GRK5: variants seen among roughly 807,000 people sequenced by gnomAD.
GRK5 encodes the protein G protein-coupled receptor kinase 5.
In GRK5, 40 loss-of-function variants were observed where a neutral mutation model predicts 78.4. That is an observed-to-expected ratio of 0.51 (90% confidence interval 0.40 to 0.66). GRK5 has a LOEUF of 0.66. Ranked by LOEUF, GRK5 falls within the 30% of genes least tolerant of loss-of-function variation. The pLI is 0.00. For missense variants in GRK5, 598 were observed against 759.9 expected (o/e 0.79, Z 2.50); for synonymous variants, 289 against 296.8 (o/e 0.97, Z 0.27).
rs1336243484 is a variant in GRK5, at chr10:119,225,855, CT to C, written c.52+17897del. On this transcript the variant is annotated intron_variant, in intron 1 of 15. Transcript: ENST00000392870. Reference sequence around the variant, plus strand: ...CCGGCTAATTTTTGTATTTTTTTTTCTTTTTTTTTTTGAGATGGAGTCTCGC... The same window carrying C: ...CCGGCTAATTTTTGTATTTTTTTTTCTTTTTTTTTTGAGATGGAGTCTCGC... Among the ~76,000 whole-genome samples the C allele has an allele frequency of 6.0e-3, 635 of 106,198 alleles. 4 individuals carry two copies. Among genetic ancestry groups the C allele is most frequent in the African/African-American group, 0.02 (555 of 27,780 alleles). 69.7% of individuals were successfully genotyped at this position (106,198 alleles called of 152,430 possible).
intron 1 of GRK5, among the ~76,000 whole-genome samples, chr10:119,308,066 G>A (rs959297185): frequency 1.3e-5 from 2 of 152,120 alleles, no homozygotes; most frequent in African/African-American, 4.8e-5. Flanking sequence ...CCTGGGAGTG[G>A]GCACCCATGG....
intron 2 of GRK5, among the ~76,000 whole-genome samples, chr10:119,374,321 C>G (rs576777596): frequency 6.6e-6 from 1 of 152,332 alleles, no homozygotes; most frequent in South Asian, 2.1e-4. Context: ...CGACCCCTGC[C>G]CAGTGCTCAT....
chr10:119,261,501 G>T (rs1849399318), intron 1 of GRK5, among the ~76,000 whole-genome samples: 1 of 152,014 alleles, frequency 6.6e-6, no homozygotes, highest in Non-Finnish European at 1.5e-5. Flanking sequence ...CGGGGTGGCG[G>T]CCGGGCAGAG....
intron 1 of GRK5, among the ~76,000 whole-genome samples, chr10:119,293,170 C>A (rs1850014184): frequency 6.6e-6 from 1 of 152,184 alleles, no homozygotes; most frequent in South Asian, 2.1e-4. Context: ...TTGAATCTTA[C>A]CCCATTCTTG....
intron 8 of GRK5, among the ~76,000 whole-genome samples, chr10:119,434,405 G>T (rs1852880803): frequency 6.6e-6 from 1 of 152,246 alleles, no homozygotes; most frequent in Non-Finnish European, 1.5e-5. Context: ...AAGCAAGTTA[G>T]TTACTTCCTA....
Position 119,453,273 on chromosome 10 carries a change from G to A in GRK5, c.1671G>A (p.Arg557=), listed in dbSNP as rs754569544. Residue 557 remains arginine (R), a synonymous_variant, in exon 15 of 16, where the codon CGG becomes CGA. Transcript: ENST00000392870. ...GGCTGCTCCAGAGACTCTTCAAGCG[G>A]CAGGTGAGACACCCATGCCTGGCCA... is the stretch of plus-strand genomic sequence containing the variant. ...KKGLLQRLFK[R]QHQNNSKSSP... is the part of the protein sequence containing the mutation. 6.2e-7 allele frequency: 1 copy of A among 1,613,956 alleles called. No homozygotes were observed. Among genetic ancestry groups the A allele is most frequent in the South Asian group, 1.1e-5 (1 of 91,080 alleles).
intron 2 of GRK5, among the ~76,000 whole-genome samples, chr10:119,369,097 C>T (rs987764426): frequency 6.6e-6 from 1 of 152,122 alleles, no homozygotes; most frequent in Non-Finnish European, 1.5e-5. Context: ...GTGAACTGGA[C>T]CTTACAGTTA....
chr10:119,256,572 G>A (rs1849289813), intron 1 of GRK5, among the ~76,000 whole-genome samples: 1 of 151,938 alleles, frequency 6.6e-6, no homozygotes, highest in African/African-American at 2.4e-5. Context: ...GGAGGCCCTG[G>A]GCCACAGCAC....
intron 1 of GRK5, among the ~76,000 whole-genome samples, chr10:119,245,968 C>T (rs1181022422): frequency 3.9e-4 from 52 of 132,250 alleles, no homozygotes; most frequent in Admixed American, 1.8e-3. Context: ...TGCAGTGAGC[C>T]GAGATCATGC....
rs182447745 is a variant in GRK5, at chr10:119,412,952, G to A, written c.340-10214G>A. ...GGCGAGACGAGGGGAGCTCTTGGCC[G>A]TGTGAAGAGCACTTGGAGGCCTCCT... is the stretch of plus-strand genomic sequence containing the variant. On this transcript the variant is annotated intron_variant, in intron 4 of 15. Coordinates refer to ENST00000392870, the MANE Select transcript of GRK5 (RefSeq NM_005308.3). This position sits in a 1 kb window ranked among gnomAD's most constrained non-coding sequence, Gnocchi z 4.3. Among the ~76,000 whole-genome samples, 372 of 152,306 alleles carry A rather than the reference G, an allele frequency of 2.4e-3. 1 individual carries two copies. Among genetic ancestry groups the A allele is most frequent in the African/African-American group, 7.4e-3 (307 of 41,560 alleles).
At chr10:119,306,774 G>A (rs1001812848) in intron 1 of GRK5, among the ~76,000 whole-genome samples, 1 of 152,106 alleles carries the variant, frequency 6.6e-6, no homozygotes, top group East Asian at 1.9e-4. Context: ...TTCTGCTGGG[G>A]AGCACTTCCC....
chr10:119,399,754 T>G (rs923316242), intron 4 of GRK5, among the ~76,000 whole-genome samples: 4 of 152,186 alleles, frequency 2.6e-5, no homozygotes, highest in African/African-American at 9.6e-5. Context: ...TTTTTTTCAA[T>G]TTTCCATTCT....
At chr10:119,382,188 C>CCTTGGGCTTAGGGG (rs1226455644) in intron 3 of GRK5, among the ~76,000 whole-genome samples, 1 of 141,394 alleles carries the variant, frequency 7.1e-6, no homozygotes. Context: ...CTCCCCTCTG[C>CCTTGGGCTTAGGGG]AGGCTCTGCC....
intron 1 of GRK5, among the ~76,000 whole-genome samples, chr10:119,210,542 A>G (rs1293417836): frequency 6.6e-6 from 1 of 152,236 alleles, no homozygotes; most frequent in Admixed American, 6.5e-5. Context: ...CATATTATCT[A>G]AATATTCAGA....
chr10:119,382,600 A>G (rs1851731140), intron 3 of GRK5, among the ~76,000 whole-genome samples: 1 of 152,112 alleles, frequency 6.6e-6, no homozygotes, highest in African/African-American at 2.4e-5. Flanking sequence ...ATATTATCTC[A>G]TCTGTGAACT....
At chr10:119,335,137 T>TCTCTCTCTCTCTCC (rs1850854436) in intron 2 of GRK5, 1 of 112,426 alleles carries the variant, frequency 8.9e-6, no homozygotes, top group Non-Finnish European at 1.8e-5. Flanking sequence ...TGCCTCTCTC[T>TCTCTCTCTCTCTCC]CTCTCTCTCT....
intron 3 of GRK5, among the ~76,000 whole-genome samples, chr10:119,386,926 C>T (rs902014928): frequency 6.6e-6 from 1 of 152,204 alleles, no homozygotes; most frequent in African/African-American, 2.4e-5. Flanking sequence ...GAATTTCTAC[C>T]AAGTGGAGCT....
intron 1 of GRK5, among the ~76,000 whole-genome samples, chr10:119,227,098 C>T (rs7082606): frequency 0.06 from 9,079 of 152,144 alleles, 856 homozygotes; most frequent in African/African-American, 0.21. Flanking sequence ...TCAGGTGATC[C>T]GCCCTCCTTG....
Position 119,412,896 on chromosome 10 carries a change from A to T in GRK5, c.340-10270A>T, listed in dbSNP as rs1852373129. 6.6e-6 allele frequency among the ~76,000 whole-genome samples: 1 copy of T among 152,118 alleles called. No individual in the cohort carries two copies. The highest frequency in any genetic ancestry group is 1.5e-5 in the Non-Finnish European group (1 of 68,026). On this transcript the variant is annotated intron_variant, in intron 4 of 15. Coordinates refer to ENST00000392870, the MANE Select transcript of GRK5 (RefSeq NM_005308.3). The surrounding 1 kb of genome is among the most constrained non-coding windows in gnomAD (Gnocchi z 4.3). ...ACCCCGTCGCTGCAGCTGGGTGAGC[A>T]GGGCTGAGTGAGCTCAGGGAATCGG...
Sources: gnomAD v4.1 joint callset for allele counts (sites outside exome capture counted in the v4.1 genomes callset) on GRCh38, gnomAD v4.1.1 for gene constraint, Gnocchi (gnomAD v3.1) non-coding constraint, MANE v1.5 for transcripts, NCBI Gene and HGNC (gene_info 2026-07-23, HGNC 2026-07-21) for gene names.